TRAPPC8: variants seen among roughly 807,000 people sequenced by gnomAD.
TRAPPC8 encodes general sporulation gene 1 homolog.
TRAPPC8 carries 54 observed loss-of-function variants against 174.3 expected under a neutral mutation model. That is an observed-to-expected ratio of 0.31 (90% CI 0.25 to 0.39). The LOEUF (loss-of-function observed/expected upper bound fraction) is 0.39, where lower values mean the gene tolerates loss of function less well. TRAPPC8 is among the 10% of genes least tolerant of loss of function. The pLI is 1.00. For missense variants in TRAPPC8, 1,531 were observed against 1,699.1 expected (o/e 0.90, Z 1.74); for synonymous variants, 630 against 579.9 (o/e 1.09, Z -1.24).
chr18:31,942,421 GCTGT>G (rs2038385216), intron 1 of TRAPPC8, among the ~76,000 whole-genome samples, 183 bp downstream of exon 1: 1 of 152,200 alleles, frequency 6.6e-6, no homozygotes, highest in African/African-American at 2.4e-5. Flanking sequence ...TTAGGACTGC[GCTGT>G]CTTGACAACC....
intron 27 of TRAPPC8, among the ~76,000 whole-genome samples, chr18:31,836,728 G>C (rs530458147): frequency 5.3e-5 from 8 of 151,764 alleles, no homozygotes; most frequent in African/African-American, 1.9e-4. Context: ...GGAACCTCTG[G>C]GGGTAGGACT....
intron 19 of TRAPPC8, among the ~76,000 whole-genome samples, chr18:31,863,964 A>ATATTATACTATTATACTT (rs2034457673): frequency 7.1e-6 from 1 of 140,364 alleles, no homozygotes; most frequent in Admixed American, 6.8e-5. Flanking sequence ...ATTATACTAA[A>ATATTATACTATTATACTT]GTATAATACT....
Position 31,829,565 on chromosome 18 carries a change from AAG to A in TRAPPC8, c.*1188_*1189del, listed in dbSNP as rs2032241562. The A allele has an allele frequency of 6.6e-6, 1 of 152,288 alleles. No homozygotes were observed. Among genetic ancestry groups the A allele is most frequent in the Non-Finnish European group, 1.5e-5 (1 of 68,092 alleles). 9.4% of individuals were successfully genotyped at this position (152,288 alleles called of 1,614,324 possible). A position where few individuals can be genotyped will look rare whatever the true frequency, so the allele number is the denominator to read the frequency against. ...ACAGACTAGCCACCCATCTCTCAAG[AAG>A]AGTTGTTCCAAGTACAGGTTTGGAA... On this transcript the variant is annotated 3_prime_UTR_variant, in exon 29 of 29. Coordinates refer to ENST00000283351, the MANE Select transcript of TRAPPC8 (RefSeq NM_014939.5).
At chr18:31,842,767 G>A (rs537753567) in intron 26 of TRAPPC8, among the ~76,000 whole-genome samples, 6 of 152,104 alleles carry the variant, frequency 3.9e-5, no homozygotes, top group Non-Finnish European at 8.8e-5. Context: ...AGACCATTTT[G>A]GATTTCAGAT....
At chr18:31,897,743 A>C in intron 11 of TRAPPC8, 43 bp downstream of exon 11, 1 of 1,339,632 alleles carries the variant, frequency 7.5e-7, no homozygotes, top group East Asian at 2.6e-5. Context: ...TTAAAAAAAA[A>C]AGAACAATGC....
chr18:31,933,412 C>T lies in TRAPPC8; in HGVS notation c.158-1889G>A, dbSNP rs943044130. 2.0e-5 allele frequency among the ~76,000 whole-genome samples: 3 copies of T among 152,034 alleles called. No homozygotes were observed. The South Asian group carries it at 6.2e-4, about 32-fold the overall frequency. Reference sequence around the variant, plus strand: ...TACTTATCAACTGGGTTACCCTGAACAACTTAACCCTTCTGTGCTTCAAAT... The same window carrying T: ...TACTTATCAACTGGGTTACCCTGAATAACTTAACCCTTCTGTGCTTCAAAT... On this transcript the variant is annotated intron_variant, in intron 1 of 28. Transcript: ENST00000283351.
At chr18:31,940,705 G>C (rs1347034852) in intron 1 of TRAPPC8, among the ~76,000 whole-genome samples, 1 of 151,810 alleles carries the variant, frequency 6.6e-6, no homozygotes, top group South Asian at 2.1e-4. Flanking sequence ...CACCATGTTG[G>C]CCAGGATGGT....
At chr18:31,847,656 T>C (rs925657729) in intron 25 of TRAPPC8, among the ~76,000 whole-genome samples, 3 of 152,202 alleles carry the variant, frequency 2.0e-5, no homozygotes, top group Non-Finnish European at 4.4e-5. Flanking sequence ...TCAGGACCTG[T>C]TCAGCGTCTA....
intron 3 of TRAPPC8, among the ~76,000 whole-genome samples, chr18:31,917,247 A>G (rs1205212929): frequency 6.6e-6 from 1 of 152,128 alleles, no homozygotes; most frequent in Non-Finnish European, 1.5e-5. Context: ...GCAATCAGCA[A>G]AAGCAGTTAA....
At chr18:31,897,652 C>A in intron 11 of TRAPPC8, 134 bp downstream of exon 11, 3 of 515,508 alleles carry the variant, frequency 5.8e-6, no homozygotes, top group Non-Finnish European at 9.4e-6. Context: ...CTAAAATAGC[C>A]ATGTTGTAAA....
At chr18:31,917,925 A>G (rs969873316) in intron 2 of TRAPPC8, among the ~76,000 whole-genome samples, 1 of 152,106 alleles carries the variant, frequency 6.6e-6, no homozygotes, top group East Asian at 1.9e-4. Flanking sequence ...GGAGTTCGAG[A>G]CCAGCCTGGT....
intron 13 of TRAPPC8, 150 bp downstream of exon 13, chr18:31,874,330 A>G (rs2035034430): frequency 1.4e-6 from 1 of 734,794 alleles, no homozygotes; most frequent in Non-Finnish European, 2.2e-6. Flanking sequence ...ACCAAGATCT[A>G]TAGCCAAAAA....
chr18:31,874,820 A>G, intron 12 of TRAPPC8, 116 bp from the exon 13 acceptor site: 1 of 757,810 alleles, frequency 1.3e-6, no homozygotes. Context: ...TCTAAGGGGG[A>G]CTGGGATAAT....
intron 27 of TRAPPC8, among the ~76,000 whole-genome samples, chr18:31,838,015 G>T (rs532991141): frequency 1.3e-5 from 2 of 150,052 alleles, no homozygotes; most frequent in South Asian, 4.2e-4. Context: ...TTTTGCCCAG[G>T]CTAGAGTGCA....
intron 19 of TRAPPC8, 49 bp downstream of exon 19, chr18:31,864,578 T>C (rs946402611): frequency 1.9e-6 from 3 of 1,558,270 alleles, no homozygotes; most frequent in East Asian, 2.3e-5. Context: ...CTCAGAATAT[T>C]TGCTCATATA....
intron 9 of TRAPPC8, among the ~76,000 whole-genome samples, chr18:31,906,529 T>C (rs982062227): frequency 6.6e-6 from 1 of 152,218 alleles, no homozygotes; most frequent in Admixed American, 6.5e-5. Context: ...CAATTACCTA[T>C]GAATTATTCT....
Position 31,890,707 on chromosome 18 carries a change from C to T in TRAPPC8, c.1728+28G>A, listed in dbSNP as rs755482307. 66 of 1,582,544 alleles carry T rather than the reference C, an allele frequency of 4.2e-5. No homozygotes were observed. In the East Asian group the frequency reaches 1.5e-3, roughly 35 times the overall value. On this transcript the variant is annotated intron_variant, in intron 12 of 28. Coordinates refer to ENST00000283351, the MANE Select transcript of TRAPPC8 (RefSeq NM_014939.5). The stretch of plus-strand genomic sequence containing the variant: ...CACACATTTATAAAATAAATAGCAA[C>T]TTTTCATTGTAAAGCAAATGCACTC...
chr18:31,930,421 C>T (rs2037800232), intron 2 of TRAPPC8, among the ~76,000 whole-genome samples: 1 of 151,936 alleles, frequency 6.6e-6, no homozygotes, highest in Admixed American at 6.6e-5. Context: ...CGCCTGGCTG[C>T]TTAGGAAAAT....
chr18:31,890,697 T>TA, intron 12 of TRAPPC8, 38 bp downstream of exon 12: 1 of 1,576,124 alleles, frequency 6.3e-7, no homozygotes, highest in Non-Finnish European at 8.6e-7. Context: ...ATTTATAAAA[T>TA]AAATAGCAAC....
Sources: gnomAD v4.1 joint callset for allele counts (sites outside exome capture counted in the v4.1 genomes callset) on GRCh38, gnomAD v4.1.1 for gene constraint, MANE v1.5 for transcripts, NCBI Gene and HGNC (gene_info 2026-07-23, HGNC 2026-07-21) for gene names.